Variants in KIF6 observed in about 807,000 individuals in gnomAD.
KIF6 encodes the protein kinesin-like protein KIF6.
KIF6 carries 106 observed loss-of-function variants against 112.7 expected under a neutral mutation model. The ratio of observed to expected loss-of-function variants is 0.94; its 90% CI spans 0.80 to 1.11. The LOEUF (loss-of-function observed/expected upper bound fraction) is 1.11. KIF6 is among the 50% of genes least tolerant of loss of function. The pLI is 0.00. For synonymous variants in KIF6, 339 were observed against 339.9 expected, an observed-to-expected ratio of 1.00 and a Z score of 0.03; for missense variants, 929 against 964.0, an observed-to-expected ratio of 0.96 and a Z score of 0.48.
chr6:39,469,130 T>C (rs1176876992), intron 13 of KIF6, among the ~76,000 whole-genome samples: 2 of 152,094 alleles, frequency 1.3e-5, no homozygotes, highest in African/African-American at 4.8e-5. Flanking sequence ...AGAGCTGAGA[T>C]GTATATTTTA....
chr6:39,442,631 T>C (rs1348460223), intron 13 of KIF6, among the ~76,000 whole-genome samples: 1 of 152,194 alleles, frequency 6.6e-6, no homozygotes, highest in Non-Finnish European at 1.5e-5. Context: ...ACTGGATCTA[T>C]TGAGTCTTTT....
intron 22 of KIF6, among the ~76,000 whole-genome samples, chr6:39,337,208 T>TTTCTTTCTTTC: frequency 9.2e-6 from 1 of 108,768 alleles, no homozygotes; most frequent in East Asian, 2.3e-4. Context: ...TCTTTCTTTC[T>TTTCTTTCTTTC]TTCTTTCTTT....
In KIF6 at chr6:39,378,043, TC is replaced by T. The variant is rs1165462775; in HGVS notation, c.1861+7578del. Reference sequence around the variant, plus strand: ...TATTTTCTTTTTTTAATTAATACTATCAGTATAACTATCTTCTATAACAGTA... The same window carrying T: ...TATTTTCTTTTTTTAATTAATACTATAGTATAACTATCTTCTATAACAGTA... On this transcript the variant is annotated intron_variant, in intron 16 of 22. Transcript: ENST00000287152. This position sits in a 1 kb window ranked among gnomAD's most constrained non-coding sequence, Gnocchi z 5.0. Among the ~76,000 whole-genome samples the T allele has an allele frequency of 6.6e-6, 1 of 152,142 alleles. No individual in the cohort carries two copies. The highest frequency in any genetic ancestry group is 2.4e-5 in the African/African-American group (1 of 41,404).
intron 3 of KIF6, among the ~76,000 whole-genome samples, chr6:39,694,261 G>A (rs1322957291): frequency 6.6e-6 from 1 of 152,034 alleles, no homozygotes; most frequent in South Asian, 2.1e-4. Context: ...ACTGCAACAA[G>A]GCAAGGATGT....
intron 3 of KIF6, among the ~76,000 whole-genome samples, chr6:39,680,733 A>G (rs1054030459): frequency 1.3e-5 from 2 of 152,248 alleles, no homozygotes; most frequent in African/African-American, 4.8e-5. Context: ...AGGCCAGTAG[A>G]AGATGTAGTA....
At chr6:39,713,582 AG>A (rs1396634150) in intron 3 of KIF6, among the ~76,000 whole-genome samples, 1 of 152,220 alleles carries the variant, frequency 6.6e-6, no homozygotes, top group African/African-American at 2.4e-5. Flanking sequence ...GAATGATGTT[AG>A]GAAGTTTAAA....
chr6:39,374,574 C>T (rs552752504), intron 16 of KIF6, among the ~76,000 whole-genome samples: 6 of 152,202 alleles, frequency 3.9e-5, no homozygotes, highest in African/African-American at 9.6e-5. Context: ...AGGACCTGAA[C>T]GGAGATTTCT....
At chr6:39,525,336 G>A (rs1039025826) in intron 13 of KIF6, among the ~76,000 whole-genome samples, 1 of 152,160 alleles carries the variant, frequency 6.6e-6, no homozygotes, top group Non-Finnish European at 1.5e-5. Context: ...TTACGGGCAA[G>A]AGCTACTGTA....
chr6:39,652,989 C>T (rs533463480), intron 3 of KIF6, among the ~76,000 whole-genome samples: 1 of 152,286 alleles, frequency 6.6e-6, no homozygotes, highest in South Asian at 2.1e-4. Flanking sequence ...ACTTAAAAGT[C>T]TTAGAGATTA....
At chr6:39,543,841 C>T (rs1439509531) in intron 12 of KIF6, among the ~76,000 whole-genome samples, 1 of 152,198 alleles carries the variant, frequency 6.6e-6, no homozygotes, top group Non-Finnish European at 1.5e-5. Context: ...GGAGGCAGCA[C>T]ATGCTCCCAT....
chr6:39,419,783 G>T (rs544993170), intron 15 of KIF6, among the ~76,000 whole-genome samples, 165 bp downstream of exon 15: 2 of 152,252 alleles, frequency 1.3e-5, no homozygotes, highest in African/African-American at 4.8e-5. Context: ...GGTGGTGGGA[G>T]GGATCACACA....
chr6:39,330,009 AT>A lies in KIF6; in HGVS notation c.*6522del. The A allele has an allele frequency of 6.6e-6, 1 of 152,284 alleles. No individual in the cohort carries two copies. Among genetic ancestry groups the A allele is most frequent in the East Asian group, 1.9e-4 (1 of 5,186 alleles). 9.4% of individuals were successfully genotyped at this position (152,284 alleles called of 1,614,324 possible). A position where few individuals can be genotyped will look rare whatever the true frequency, so the allele number is the denominator to read the frequency against. ...AGAAGAGGCACTTAGGCATTTGTTT[AT>A]TGTCTAATTGGTTCACATGACGATT... On this transcript the variant is annotated 3_prime_UTR_variant, in exon 23 of 23. Coordinates refer to ENST00000287152, the MANE Select transcript of KIF6 (RefSeq NM_145027.6).
chr6:39,412,835 C>T (rs1769581395), intron 15 of KIF6, among the ~76,000 whole-genome samples: 1 of 152,118 alleles, frequency 6.6e-6, no homozygotes, highest in South Asian at 2.1e-4. Context: ...TGTGGTCCAG[C>T]GTGGCTGGGT....
At chr6:39,460,535 G>GAAAAAAAAAAAAA (rs1491244154) in intron 13 of KIF6, among the ~76,000 whole-genome samples, 1 of 31,620 alleles carries the variant, frequency 3.2e-5, no homozygotes, top group Non-Finnish European at 7.0e-5. Context: ...AAAAAAAAAA[G>GAAAAAAAAAAAAA]TAAAAAAAAA....
intron 15 of KIF6, 32 bp from the exon 16 acceptor site, chr6:39,385,704 G>C: frequency 2.7e-6 from 4 of 1,503,944 alleles, no homozygotes; most frequent in Non-Finnish European, 2.8e-6. Flanking sequence ...ACTACCAGTG[G>C]GTTTCCAATG....
In KIF6 at chr6:39,343,767, C is replaced by T. The variant is rs768309931; in HGVS notation, c.2370G>A (p.Gln790=). The change falls in exon 22 of 23, where the codon CAG becomes CAA. Residue 790 remains glutamine (Q), a synonymous_variant. Transcript: ENST00000287152. This position sits in a 1 kb window ranked among gnomAD's most constrained non-coding sequence, Gnocchi z 4.1. Reference sequence around the variant, plus strand: ...TGAAGGCGATGATGTCCGAGTCCGTCTGGCTGTCTCCGGTGAGAGGGATGG... The same window carrying T: ...TGAAGGCGATGATGTCCGAGTCCGTTTGGCTGTCTCCGGTGAGAGGGATGG... ...VSSIPLTGDS[Q]TDSDIIAFIK... 3 of 1,613,022 alleles carry T rather than the reference C, an allele frequency of 1.9e-6. No homozygotes were observed. The South Asian group carries it at 3.3e-5, about 18-fold the overall frequency.
At chr6:39,622,970 C>T (rs958099892) in intron 5 of KIF6, among the ~76,000 whole-genome samples, 2 of 152,054 alleles carry the variant, frequency 1.3e-5, no homozygotes, top group Non-Finnish European at 2.9e-5. Flanking sequence ...AGAGGTGAGG[C>T]TTGGGGTGTG....
chr6:39,351,812 T>A (rs1243353584), intron 19 of KIF6, among the ~76,000 whole-genome samples: 1 of 152,156 alleles, frequency 6.6e-6, no homozygotes, highest in African/African-American at 2.4e-5. Context: ...CTTATTCTCA[T>A]GGGGCAGATA....
At chr6:39,491,409 G>A (rs1319282794) in intron 13 of KIF6, among the ~76,000 whole-genome samples, 1 of 152,104 alleles carries the variant, frequency 6.6e-6, no homozygotes, top group Non-Finnish European at 1.5e-5. Context: ...CACATGAGCA[G>A]CCCAATGCCA....
Sources: allele counts gnomAD v4.1 joint callset (sites outside exome capture counted in the v4.1 genomes callset), GRCh38; gene constraint gnomAD v4.1.1; non-coding constraint Gnocchi (gnomAD v3.1); transcripts MANE v1.5; gene names NCBI Gene and HGNC (gene_info 2026-07-23, HGNC 2026-07-21).